The following TMEM255B variants were observed in gnomAD, a reference collection of about 807,000 sequenced individuals.
TMEM255B encodes the protein transmembrane protein 255B, also known as family with sequence similarity 70, member B.
A neutral mutation model predicts 34.5 loss-of-function variants in TMEM255B; 35 were observed. The ratio of observed to expected loss-of-function variants is 1.01; its 90% CI spans 0.77 to 1.34. The LOEUF is 1.34. Among genes scored for constraint, TMEM255B ranks in the 40% most tolerant of loss-of-function variants. The pLI, the probability that TMEM255B is intolerant of heterozygous loss-of-function variation, is 0.00. For missense variants in TMEM255B, 432 were observed against 433.2 expected (o/e 1.00, Z 0.02); for synonymous variants, 206 against 201.2 (o/e 1.02, Z -0.20).
At chr13:113,768,695 G>A (rs918741993) in intron 2 of TMEM255B, among the ~76,000 whole-genome samples, 1 of 152,182 alleles carries the variant, frequency 6.6e-6, no homozygotes, top group African/African-American at 2.4e-5. Context: ...TTTGAAACAC[G>A]GCTGTAGTTC....
chr13:113,799,552 G>T, intron 5 of TMEM255B, 133 bp downstream of exon 5: 1 of 788,992 alleles, frequency 1.3e-6, no homozygotes, highest in Non-Finnish European at 2.1e-6. Context: ...CCTGCAGCTG[G>T]TGAACCGTTG....
At chr13:113,773,111 C>G (rs990541822) in intron 3 of TMEM255B, among the ~76,000 whole-genome samples, 4 of 152,118 alleles carry the variant, frequency 2.6e-5, no homozygotes, top group African/African-American at 9.7e-5. Flanking sequence ...AGTTTTGTAT[C>G]AAATTTACTT....
At chr13:113,761,102 G>C (rs1417490168) in intron 1 of TMEM255B, 2 of 819,636 alleles carry the variant, frequency 2.4e-6, no homozygotes, top group African/African-American at 3.7e-5. Context: ...TGACGGCTGA[G>C]TGATTACAGT....
At chr13:113,781,808 A>T (rs2050669770) in intron 3 of TMEM255B, among the ~76,000 whole-genome samples, 1 of 152,236 alleles carries the variant, frequency 6.6e-6, no homozygotes, top group African/African-American at 2.4e-5. Flanking sequence ...CTACGCAGAC[A>T]AGCTACCACA....
intron 6 of TMEM255B, among the ~76,000 whole-genome samples, 200 bp downstream of exon 6, chr13:113,801,112 C>G (rs1481478122): frequency 6.6e-6 from 1 of 152,180 alleles, no homozygotes; most frequent in African/African-American, 2.4e-5. Flanking sequence ...ATCACCCCCC[C>G]CACACCCCTG....
intron 3 of TMEM255B, among the ~76,000 whole-genome samples, chr13:113,776,679 C>A (rs565133452): frequency 6.6e-6 from 1 of 152,222 alleles, no homozygotes; most frequent in Non-Finnish European, 1.5e-5. Context: ...TGCAGCCTCC[C>A]GGACACGTGG....
chr13:113,762,500 G>C (rs1316117981), intron 1 of TMEM255B, among the ~76,000 whole-genome samples: 1 of 152,138 alleles, frequency 6.6e-6, no homozygotes, highest in Non-Finnish European at 1.5e-5. Context: ...TTATTTTGTA[G>C]CAGATGGGGG....
rs1293209537 is a variant in TMEM255B, at chr13:113,814,515, A to C, written c.*2612A>C. ...CTTTATCCCAGCCACAAAGAATGTG[A>C]ACAATTTGACTCAAGGTTCGTGGTG... On this transcript the variant is annotated 3_prime_UTR_variant, in exon 9 of 9. Coordinates refer to ENST00000375353, the MANE Select transcript of TMEM255B (RefSeq NM_182614.4). 1 of 152,234 alleles carries C rather than the reference A, an allele frequency of 6.6e-6. No homozygotes were observed. Among genetic ancestry groups the C allele is most frequent in the Non-Finnish European group, 1.5e-5 (1 of 68,056 alleles). 9.4% of individuals were successfully genotyped at this position (152,234 alleles called of 1,614,324 possible). A position where few individuals can be genotyped will look rare whatever the true frequency, so the allele number is the denominator to read the frequency against.
At chr13:113,779,863 T>C (rs1474279243) in intron 3 of TMEM255B, among the ~76,000 whole-genome samples, 3 of 152,258 alleles carry the variant, frequency 2.0e-5, no homozygotes, top group Non-Finnish European at 4.4e-5. Context: ...AGGTGTGCTA[T>C]AGTTTTTGAA....
At chr13:113,763,884 C>T (rs998481460) in intron 1 of TMEM255B, among the ~76,000 whole-genome samples, 1 of 152,190 alleles carries the variant, frequency 6.6e-6, no homozygotes, top group Non-Finnish European at 1.5e-5. Flanking sequence ...AAGAACTGTG[C>T]GAGTTAGAGG....
intron 3 of TMEM255B, among the ~76,000 whole-genome samples, chr13:113,776,641 G>T (rs2138536198): frequency 6.6e-6 from 1 of 152,280 alleles, no homozygotes; most frequent in Non-Finnish European, 1.5e-5. Context: ...TTGCCTCCCT[G>T]GGCACGCCTG....
Position 113,806,332 on chromosome 13 carries a change from C to T in TMEM255B, c.813+1304C>T, listed in dbSNP as rs929650749. ...CTGTGGGGCTGCTGGGGGTCCCTCG[C>T]GTTCAGGGCCTGCTTGGGTCAGCCA... On this transcript the variant is annotated intron_variant, in intron 8 of 8. Transcript: ENST00000375353. This position sits in a 1 kb window ranked among gnomAD's most constrained non-coding sequence, Gnocchi z 4.2. Among the ~76,000 whole-genome samples, 2 of 152,084 alleles carry T rather than the reference C, an allele frequency of 1.3e-5. No homozygotes were observed. Among genetic ancestry groups the T allele is most frequent in the Non-Finnish European group, 2.9e-5 (2 of 67,994 alleles).
At chr13:113,797,462 G>GCCCT (rs2138568548) in intron 4 of TMEM255B, among the ~76,000 whole-genome samples, 1 of 152,288 alleles carries the variant, frequency 6.6e-6, no homozygotes, top group East Asian at 1.9e-4. Flanking sequence ...CCGGCACACC[G>GCCCT]CCCTCCCTCC....
At chr13:113,772,109 C>G (rs2050488306) in intron 3 of TMEM255B, among the ~76,000 whole-genome samples, 1 of 152,198 alleles carries the variant, frequency 6.6e-6, no homozygotes, top group African/African-American at 2.4e-5. Flanking sequence ...TGTCGAGCAT[C>G]TCTTCATGTG....
chr13:113,800,296 G>A (rs950697983), intron 5 of TMEM255B, among the ~76,000 whole-genome samples: 11 of 90,828 alleles, frequency 1.2e-4, no homozygotes, highest in Admixed American at 3.0e-4. Context: ...CAGGGGAGGC[G>A]TCCTCTGTGT....
rs2050252156 is a variant in TMEM255B, at chr13:113,759,281, G to C, written c.12G>C (p.Pro4=). The part of the protein sequence containing the change: MQP[P]VPGPLGLLDP... ...GGTGGGGCCTCGGGATGCAGCCGCC[G>C]GTGCCCGGGCCCCTGGGCCTGCTGG... Residue 4 remains proline, a synonymous_variant, in exon 1 of 9, where the codon CCG becomes CCC. Transcript: ENST00000375353. The C allele has an allele frequency of 1.6e-6, 2 of 1,228,798 alleles. No homozygotes were observed. The highest frequency in any genetic ancestry group is 2.0e-6 in the Non-Finnish European group (2 of 986,126). 76.1% of individuals were successfully genotyped at this position (1,228,798 alleles called of 1,614,324 possible).
At chr13:113,789,488 A>G (rs1352359727) in intron 3 of TMEM255B, among the ~76,000 whole-genome samples, 2 of 152,248 alleles carry the variant, frequency 1.3e-5, no homozygotes, top group Non-Finnish European at 2.9e-5. Context: ...AAGTCGTGAC[A>G]GAGCCAGGCA....
At chr13:113,797,417 A>G (rs1392076876) in intron 4 of TMEM255B, among the ~76,000 whole-genome samples, 1 of 152,148 alleles carries the variant, frequency 6.6e-6, no homozygotes, top group Admixed American at 6.6e-5. Context: ...GAGGCCGAGG[A>G]CACCGTGCTG....
At chr13:113,796,952 C>T (rs964235088) in intron 4 of TMEM255B, among the ~76,000 whole-genome samples, 5 of 152,066 alleles carry the variant, frequency 3.3e-5, no homozygotes, top group South Asian at 2.1e-4. Flanking sequence ...TGCTCACACT[C>T]GCGCGCACAC....
Sources: gnomAD v4.1 joint callset for allele counts (sites outside exome capture counted in the v4.1 genomes callset) on GRCh38, gnomAD v4.1.1 for gene constraint, Gnocchi (gnomAD v3.1) non-coding constraint, MANE v1.5 for transcripts, NCBI Gene and HGNC (gene_info 2026-07-23, HGNC 2026-07-21) for gene names.